The following COPE variants were observed in gnomAD, a reference collection of about 807,000 sequenced individuals.
COPE encodes coatomer subunit epsilon.
COPE carries 19 observed loss-of-function variants against 42.1 expected under a neutral mutation model. The ratio of observed to expected loss-of-function variants is 0.45; its 90% CI spans 0.31 to 0.66. The LOEUF (loss-of-function observed/expected upper bound fraction) is 0.66. Among genes scored for constraint, COPE ranks in the 30% least tolerant of loss-of-function variants. The pLI is 0.05. For synonymous variants in COPE, 195 were observed against 181.3 expected (o/e 1.08, Z -0.60); for missense variants, 402 against 416.1 (o/e 0.97, Z 0.30).
chr19:18,913,069 G>C (rs761390501), intron 1 of COPE, 23 bp from the exon 2 acceptor site: 2 of 1,603,852 alleles, frequency 1.2e-6, no homozygotes, highest in East Asian at 4.5e-5. Context: ...ATGTGAGTCA[G>C]GACGCACAGT....
Position 18,903,373 on chromosome 19 carries a change from G to A in COPE, c.630C>T (p.Asp210=). 6.2e-7 allele frequency: 1 copy of A among 1,613,310 alleles called. No homozygotes were observed. Among genetic ancestry groups the A allele is most frequent in the Non-Finnish European group, 8.5e-7 (1 of 1,179,698 alleles). The change falls in exon 7 of 10, where the codon GAC becomes GAT. Residue 210 remains aspartate, a synonymous_variant. Transcript: ENST00000262812. ...DAYYIFQEMA[D]KCSPTLLLLN... ...GCAGCAGCAGGGTGGGCGAGCACTT[G>A]TCAGCCATCTCCTGGAAGATGTAGT...
At chr19:18,904,297 A>G (rs186781762) in intron 6 of COPE, among the ~76,000 whole-genome samples, 1 of 152,340 alleles carries the variant, frequency 6.6e-6, no homozygotes, top group East Asian at 1.9e-4. Context: ...CACACAAAAG[A>G]GTGGCTCAGA....
In COPE at chr19:18,903,221, C is replaced by T. The variant is rs201709344; in HGVS notation, c.735+47G>A. 2.9e-4 allele frequency: 438 copies of T among 1,509,136 alleles called. 4 individuals carry two copies. The East Asian group carries it at 4.7e-3, about 16-fold the overall frequency. 93.5% of individuals were successfully genotyped at this position (1,509,136 alleles called of 1,614,324 possible). A position where few individuals can be genotyped will look rare whatever the true frequency, so the allele number is the denominator to read the frequency against. On this transcript the variant is annotated intron_variant, in intron 7 of 9. Coordinates refer to ENST00000262812, the MANE Select transcript of COPE (RefSeq NM_007263.4). ...GTCCGCCCTGACCCCACCCTCTGGC[C>T]GCCTGGCCTTCCCTCCGTCCCCACT...
At chr19:18,919,109 C>CA in intron 1 of COPE, 114 bp downstream of exon 1, 2 of 1,191,816 alleles carry the variant, frequency 1.7e-6, no homozygotes, top group Non-Finnish European at 1.2e-6. Flanking sequence ...AGAGGTGGCC[C>CA]AAAAAACGCG....
chr19:18,914,378 T>A (rs2056836391), intron 1 of COPE, among the ~76,000 whole-genome samples: 1 of 151,482 alleles, frequency 6.6e-6, no homozygotes, highest in African/African-American at 2.4e-5. Context: ...CGCCTCTACT[T>A]AAAAATACAA....
Position 18,907,046 on chromosome 19 carries a change from G to A in COPE, c.357C>T (p.Phe119=). The A allele has an allele frequency of 4.4e-6, 7 of 1,607,684 alleles. No individual in the cohort carries two copies. The highest frequency in any genetic ancestry group is 5.9e-6 in the Non-Finnish European group (7 of 1,177,648). The change falls in exon 4 of 10, where the codon TTC becomes TTT. Residue 119 remains phenylalanine, a synonymous_variant. Transcript: ENST00000262812. The part of the protein sequence containing the change: ...SRSVDVTNTT[F]LLMAASIYLH... ...GATAGATGGAGGCGGCCATGAGCAG[G>A]AAGGTGGTGTTGGTCACGTCCACGC... is the stretch of plus-strand genomic sequence containing the variant.
intron 2 of COPE, 131 bp downstream of exon 2, chr19:18,912,853 A>T: frequency 1.2e-6 from 1 of 806,972 alleles, no homozygotes; most frequent in Non-Finnish European, 2.0e-6. Flanking sequence ...GTTCACAGTC[A>T]CTGAACACTG....
Position 18,903,386 on chromosome 19 carries a change from TG to T in COPE, c.616del (p.Gln206ArgfsTer38), listed in dbSNP as rs775827497. 1 of 1,613,206 alleles carries T rather than the reference TG, an allele frequency of 6.2e-7. No individual in the cohort carries two copies. Among genetic ancestry groups the T allele is most frequent in the South Asian group, 1.1e-5 (1 of 90,986 alleles). ...EKLQDAYYIF[Q>X]EMADKCSPTL... ...GGGCGAGCACTTGTCAGCCATCTCC[TG>T]GAAGATGTAGTAGGCATCCTGCAGC... On this transcript the variant is annotated frameshift_variant, in exon 7 of 10. Transcript: ENST00000262812. LOFTEE classifies it high-confidence loss of function.
chr19:18,899,786 G>T, intron 9 of COPE, 60 bp from the exon 10 acceptor site: 1 of 1,602,388 alleles, frequency 6.2e-7, no homozygotes, highest in East Asian at 2.2e-5. Context: ...CAGGTGGAGG[G>T]AGAGAGAGAG....
chr19:18,899,601 A>G lies in COPE; in HGVS notation c.*78T>C. On this transcript the variant is annotated 3_prime_UTR_variant, in exon 10 of 10. Transcript: ENST00000262812. ...CTGCCCCCAGAGGGGATGCAGGTGG[A>G]TGCCGGGTGGGGAGGGCTGCAGGGC... 1 of 1,522,924 alleles carries G rather than the reference A, an allele frequency of 6.6e-7. No individual in the cohort carries two copies. The highest frequency in any genetic ancestry group is 1.7e-5 in the Admixed American group (1 of 58,960). 94.3% of individuals were successfully genotyped at this position (1,522,924 alleles called of 1,614,324 possible).
chr19:18,916,131 G>A (rs760198787), intron 1 of COPE, among the ~76,000 whole-genome samples: 1 of 152,138 alleles, frequency 6.6e-6, no homozygotes, highest in Non-Finnish European at 1.5e-5. Flanking sequence ...GTTGTGGTGA[G>A]CTGAGATCAT....
chr19:18,899,535 T>G lies in COPE; in HGVS notation c.*144A>C, dbSNP rs2146093719. On this transcript the variant is annotated 3_prime_UTR_variant, in exon 10 of 10. Transcript: ENST00000262812. ...ATCATCAGGTGGAACACCCTGGAGT[T>G]GAGATATTTATTAACAGATGGGGGT... 3.4e-4 allele frequency: 249 copies of G among 732,390 alleles called. No individual in the cohort carries two copies. The highest frequency in any genetic ancestry group is 5.2e-4 in the Non-Finnish European group (226 of 432,936). 45.4% of individuals were successfully genotyped at this position (732,390 alleles called of 1,614,324 possible).
intron 3 of COPE, among the ~76,000 whole-genome samples, chr19:18,910,248 C>T (rs1389506801): frequency 1.3e-5 from 2 of 152,194 alleles, no homozygotes; most frequent in Non-Finnish European, 2.9e-5. Flanking sequence ...AGGGGCAGGA[C>T]AGGCGTGGCC....
intron 1 of COPE, among the ~76,000 whole-genome samples, chr19:18,913,618 T>C (rs1041609996): frequency 3.1e-4 from 46 of 147,052 alleles, no homozygotes; most frequent in Non-Finnish European, 1.2e-4. Flanking sequence ...GGGACCGCTC[T>C]CCAGAACACA....
At chr19:18,904,533 A>G (rs2056740152) in intron 6 of COPE, among the ~76,000 whole-genome samples, 1 of 152,246 alleles carries the variant, frequency 6.6e-6, no homozygotes, top group Non-Finnish European at 1.5e-5. Context: ...CCTGTGCCTC[A>G]GGCTCAGGAA....
intron 1 of COPE, among the ~76,000 whole-genome samples, chr19:18,913,423 A>C (rs2056828555): frequency 6.6e-6 from 1 of 152,178 alleles, no homozygotes. Flanking sequence ...TGGCTGCCCC[A>C]GTGTGGTGAC....
intron 1 of COPE, among the ~76,000 whole-genome samples, chr19:18,918,318 G>C (rs552764676): frequency 6.6e-6 from 1 of 151,808 alleles, no homozygotes; most frequent in African/African-American, 2.4e-5. Context: ...TAAACTCTCC[G>C]ACCCTGAATC....
intron 3 of COPE, among the ~76,000 whole-genome samples, chr19:18,907,493 T>G (rs888163358): frequency 2.6e-5 from 4 of 152,170 alleles, no homozygotes; most frequent in African/African-American, 9.7e-5. Context: ...GAGGTCGGCC[T>G]GGGTGCCGAG....
Position 18,904,867 on chromosome 19 carries a change from G to T in COPE, c.498-15C>A, listed in dbSNP as rs762785167. On this transcript the variant is annotated splice_polypyrimidine_tract_variant and intron_variant, in intron 5 of 9. Coordinates refer to ENST00000262812, the MANE Select transcript of COPE (RefSeq NM_007263.4). ...TCAGCTCCTTCCTGGGGCGGGGACA[G>T]ATGACAGAGGGGCTGAGTGGCCGAG... 1.9e-6 allele frequency: 3 copies of T among 1,551,462 alleles called. No individual in the cohort carries two copies. The South Asian group carries it at 3.6e-5, about 18-fold the overall frequency.
Sources: gnomAD v4.1 joint callset for allele counts (sites outside exome capture counted in the v4.1 genomes callset) on GRCh38, gnomAD v4.1.1 for gene constraint, MANE v1.5 for transcripts, NCBI Gene and HGNC (gene_info 2026-07-23, HGNC 2026-07-21) for gene names.